Variants in POPDC1 observed in about 807,000 individuals in gnomAD.
POPDC1 encodes the protein popeye domain cAMP effector 1.
chr6:105,116,912 A>G, the POPDC1 span: 2 of 1,558,078 alleles, frequency 1.3e-6, no homozygotes, highest in East Asian at 2.3e-5. Context: ...ACATCTATGT[A>G]TATGAATTAT....
chr6:105,125,301 T>G, the POPDC1 span: 1 of 1,423,002 alleles, frequency 7.0e-7, no homozygotes, highest in South Asian at 1.3e-5. Flanking sequence ...CTCCATTCAT[T>G]GGCAACATTT....
the POPDC1 span, among the ~76,000 whole-genome samples, chr6:105,122,788 CA>C: frequency 6.6e-6 from 1 of 152,198 alleles, no homozygotes; most frequent in African/African-American, 2.4e-5. Context: ...AATCTCACAT[CA>C]AAGCTGACCC....
At chr6:105,125,799 A>G in the POPDC1 span, among the ~76,000 whole-genome samples, 27 of 152,328 alleles carry the variant, frequency 1.8e-4, 1 homozygote, top group South Asian at 5.4e-3. Context: ...GAGGTGGTTC[A>G]TGCCTGTAAT....
At chr6:105,126,300 T>A in the POPDC1 span, among the ~76,000 whole-genome samples, 8 of 150,288 alleles carry the variant, frequency 5.3e-5, no homozygotes, top group African/African-American at 2.0e-4. Context: ...AGAAAAAAAA[T>A]TAGTACCTAT....
chr6:105,131,154 T>C, the POPDC1 span, among the ~76,000 whole-genome samples: 57 of 152,206 alleles, frequency 3.7e-4, no homozygotes, highest in African/African-American at 1.3e-3. Flanking sequence ...TCACAAAAGC[T>C]AACCACCCAC....
chr6:105,116,997 A>T, the POPDC1 span: 1 of 932,714 alleles, frequency 1.1e-6, no homozygotes, highest in East Asian at 2.8e-5. Flanking sequence ...ATTATAAAAA[A>T]AAGGAGACTC....
At chr6:105,098,031 G>A in the POPDC1 span, 1 of 152,122 alleles carries the variant, frequency 6.6e-6, no homozygotes, top group East Asian at 1.9e-4. Context: ...ATACAACTGA[G>A]TTGATGTTAC....
At chr6:105,113,562 C>A in the POPDC1 span, among the ~76,000 whole-genome samples, 1 of 152,214 alleles carries the variant, frequency 6.6e-6, no homozygotes, top group African/African-American at 2.4e-5. Context: ...TCTTGTGAAT[C>A]TGCCACGACT....
At chr6:105,126,496 A>G in the POPDC1 span, among the ~76,000 whole-genome samples, 1 of 152,112 alleles carries the variant, frequency 6.6e-6, no homozygotes, top group Non-Finnish European at 1.5e-5. Context: ...GAAGATCCGC[A>G]CTATTCATCA....
the POPDC1 span, chr6:105,124,431 A>T: frequency 1.5e-6 from 1 of 675,672 alleles, no homozygotes; most frequent in Non-Finnish European, 2.6e-6. Context: ...TATATGCCCT[A>T]TGGTAACTTG....
chr6:105,122,034 T>C, the POPDC1 span, among the ~76,000 whole-genome samples: 2 of 152,180 alleles, frequency 1.3e-5, no homozygotes, highest in East Asian at 1.9e-4. Context: ...TCTGGGAGAA[T>C]GTGACATTTT....
the POPDC1 span, among the ~76,000 whole-genome samples, chr6:105,115,290 G>A: frequency 1.2e-4 from 19 of 152,186 alleles, no homozygotes; most frequent in Admixed American, 5.9e-4. Flanking sequence ...GGGTTTCACC[G>A]TATTAGTCAG....
the POPDC1 span, chr6:105,136,588 C>T: frequency 2.6e-5 from 4 of 152,420 alleles, no homozygotes; most frequent in African/African-American, 9.6e-5. Flanking sequence ...AGAGACGGAG[C>T]TCACCAAGGG....
the POPDC1 span, among the ~76,000 whole-genome samples, chr6:105,124,018 AAC>A: frequency 2.0e-5 from 3 of 152,226 alleles, no homozygotes; most frequent in East Asian, 1.9e-4. Flanking sequence ...TCAAAAAGCA[AAC>A]ACAGTCTAGA....
At chr6:105,129,984 T>C in the POPDC1 span, among the ~76,000 whole-genome samples, 3 of 152,196 alleles carry the variant, frequency 2.0e-5, no homozygotes, top group African/African-American at 7.2e-5. Flanking sequence ...TGTTGTTTCA[T>C]TTTGTTTTTT....
chr6:105,121,937 T>C, the POPDC1 span, among the ~76,000 whole-genome samples: 1 of 152,140 alleles, frequency 6.6e-6, no homozygotes, highest in South Asian at 2.1e-4. Context: ...AAGATGAGCT[T>C]AGCAGGTAAA....
At chr6:105,129,810 T>A in the POPDC1 span, among the ~76,000 whole-genome samples, 1 of 152,202 alleles carries the variant, frequency 6.6e-6, no homozygotes, top group Non-Finnish European at 1.5e-5. Flanking sequence ...CAAGATTTCA[T>A]CGCACTATTC....
the POPDC1 span, chr6:105,098,533 C>A: frequency 6.6e-6 from 1 of 152,192 alleles, no homozygotes; most frequent in African/African-American, 2.4e-5. Context: ...AGAAAATAAT[C>A]TCCAAACACA....
chr6:105,128,156 A>C, the POPDC1 span, among the ~76,000 whole-genome samples: 9 of 152,212 alleles, frequency 5.9e-5, no homozygotes, highest in African/African-American at 2.2e-4. Flanking sequence ...GGATACAACA[A>C]TAAGTGTGTT....
Sources: gnomAD v4.1 joint callset for allele counts (sites outside exome capture counted in the v4.1 genomes callset) on GRCh38, gnomAD v4.1.1 for gene constraint, MANE v1.5 for transcripts, NCBI Gene and HGNC (gene_info 2026-07-23, HGNC 2026-07-21) for gene names.